NDUFAB1: variants seen among roughly 807,000 people sequenced by gnomAD.
NDUFAB1 encodes acyl carrier protein, mitochondrial.
Under a neutral mutation model 16.1 loss-of-function variants are expected in NDUFAB1, and 5 were observed. The ratio of observed to expected loss-of-function variants is 0.31; its 90% CI spans 0.16 to 0.65. NDUFAB1 has a LOEUF of 0.65. NDUFAB1 is among the 30% of genes least tolerant of loss of function. NDUFAB1 has a pLI of 0.77. For missense variants in NDUFAB1, 187 were observed against 205.3 expected (o/e 0.91, Z 0.54); for synonymous variants, 85 against 78.4 (o/e 1.08, Z -0.44).
At chr16:23,596,071 C>T (rs2142241240) in intron 1 of NDUFAB1, 52 bp downstream of exon 1, 2 of 1,560,952 alleles carry the variant, frequency 1.3e-6, no homozygotes, top group Non-Finnish European at 1.7e-6. Flanking sequence ...CCACCCCCAC[C>T]GGGCCCAATC....
chr16:23,588,211 T>C (rs1161422887), intron 1 of NDUFAB1, among the ~76,000 whole-genome samples: 1 of 152,158 alleles, frequency 6.6e-6, no homozygotes, highest in Admixed American at 6.5e-5. Flanking sequence ...TCACAACACT[T>C]TGGGAGGCCA....
intron 1 of NDUFAB1, among the ~76,000 whole-genome samples, chr16:23,594,991 G>A (rs940338173): frequency 6.0e-5 from 9 of 150,792 alleles, no homozygotes; most frequent in Admixed American, 6.6e-5. Context: ...GGTGGTTCAC[G>A]CCTGTAATCC....
At chr16:23,585,547 A>G (rs934734962) in intron 2 of NDUFAB1, 124 bp from the exon 3 acceptor site, 2 of 684,176 alleles carry the variant, frequency 2.9e-6, no homozygotes, top group African/African-American at 3.6e-5. Flanking sequence ...GTTTTAGGGT[A>G]CATGTGCACA....
intron 3 of NDUFAB1, among the ~76,000 whole-genome samples, chr16:23,583,236 C>T (rs1199821959): frequency 2.0e-5 from 3 of 152,230 alleles, no homozygotes; most frequent in Admixed American, 1.3e-4. Flanking sequence ...GCCTGGCCGC[C>T]CATCGTCTGG....
chr16:23,590,987 T>G (rs1280366628), intron 1 of NDUFAB1: 1 of 152,074 alleles, frequency 6.6e-6, no homozygotes, highest in East Asian at 1.9e-4. Flanking sequence ...TTTACACACA[T>G]CATCTTTCTT....
chr16:23,585,394 G>T lies in NDUFAB1; in HGVS notation c.321C>A (p.Asp107Glu). ...CTTGGTCCAAACTGTCTAAGCCCAG[G>T]TCTTTCATAAAATGAGAATTTACTG... is the stretch of plus-strand genomic sequence containing the variant. ...KLSVNSHFMK[D>E]LGLDSLDQVE... The change falls in exon 3 of 5, where the codon GAC becomes GAA. Residue 107 changes from aspartate to glutamate, a missense_variant. By Grantham distance (45) the Asp-to-Glu change is conservative (BLOSUM62 2). Transcript: ENST00000007516. 1 of 1,613,850 alleles carries T rather than the reference G, an allele frequency of 6.2e-7. No homozygotes were observed. Among genetic ancestry groups the T allele is most frequent in the Non-Finnish European group, 8.5e-7 (1 of 1,179,830 alleles).
chr16:23,595,685 G>A, intron 1 of NDUFAB1: 3 of 461,322 alleles, frequency 6.5e-6, no homozygotes, highest in South Asian at 4.7e-5. Flanking sequence ...AACCGCTCTG[G>A]AGAAGGCTGT....
At chr16:23,590,638 C>CTATTTCTTTTTTTTT (rs574003194) in intron 1 of NDUFAB1, among the ~76,000 whole-genome samples, 1,451 of 131,736 alleles carry the variant, frequency 0.011, 13 homozygotes, top group South Asian at 0.016. Context: ...CCTCTGGTCT[C>CTATTTCTTTTTTTTT]TTTTTTTTTT....
chr16:23,581,283 T>C (rs1966177265), intron 4 of NDUFAB1, 110 bp from the exon 5 acceptor site: 1 of 152,228 alleles, frequency 6.6e-6, no homozygotes, highest in Admixed American at 6.5e-5. Flanking sequence ...CAGTGGCTCA[T>C]GCCCGTAATC....
At chr16:23,594,074 G>T (rs573300588) in intron 1 of NDUFAB1, among the ~76,000 whole-genome samples, 203 of 151,824 alleles carry the variant, frequency 1.3e-3, no homozygotes, top group Non-Finnish European at 2.5e-3. Flanking sequence ...GTAGAGACGG[G>T]GTTTCACCGT....
At position 23,582,257 on chromosome 16, in the gene NDUFAB1, AT is replaced by A. The variant is rs1450215122; in HGVS notation, c.*8+18del. On this transcript the variant is annotated intron_variant, in intron 4 of 4. Coordinates refer to ENST00000007516, the MANE Select transcript of NDUFAB1 (RefSeq NM_005003.3). ...ACAGACAAATCTATGGGTGAACATC[AT>A]TTTTTAAGTCTATTTACCTGATACT... The A allele has an allele frequency of 1.4e-6, 2 of 1,453,204 alleles. No homozygotes were observed. The highest frequency in any genetic ancestry group is 1.5e-5 in the South Asian group (1 of 68,858). 90.0% of individuals were successfully genotyped at this position (1,453,204 alleles called of 1,614,324 possible). A position where few individuals can be genotyped will look rare whatever the true frequency, so the allele number is the denominator to read the frequency against.
rs147328057 is a variant in NDUFAB1, at chr16:23,582,396, A to C, written c.380-21T>G. 15,335 of 1,534,528 alleles carry C rather than the reference A, an allele frequency of 1.0e-2. 111 individuals are homozygous for C. Among genetic ancestry groups the C allele is most frequent in the Middle Eastern group, 0.021 (119 of 5,794 alleles). On this transcript the variant is annotated intron_variant, in intron 3 of 4. Coordinates refer to ENST00000007516, the MANE Select transcript of NDUFAB1 (RefSeq NM_005003.3). ...AAACCCTAAAAGAAAAATATACAACAATGTGAGAGAGTTAAAAAAAAAAAA... is the reference window on the plus strand; with the variant it reads ...AAACCCTAAAAGAAAAATATACAACCATGTGAGAGAGTTAAAAAAAAAAAA...
chr16:23,595,492 G>C, intron 1 of NDUFAB1: 1 of 441,334 alleles, frequency 2.3e-6, no homozygotes, highest in Non-Finnish European at 4.6e-6. Context: ...TACGCGGGGC[G>C]GCACATCCCG....
chr16:23,595,242 C>A (rs547998350), intron 1 of NDUFAB1, among the ~76,000 whole-genome samples: 1 of 152,274 alleles, frequency 6.6e-6, no homozygotes, highest in African/African-American at 2.4e-5. Flanking sequence ...GCATTACAGC[C>A]TGGGTGACAG....
At chr16:23,584,652 C>G (rs1966218446) in intron 3 of NDUFAB1, among the ~76,000 whole-genome samples, 1 of 152,130 alleles carries the variant, frequency 6.6e-6, no homozygotes, top group Non-Finnish European at 1.5e-5. Flanking sequence ...TTGAGAGATA[C>G]AGTTACTTGT....
Position 23,587,182 on chromosome 16 carries a change from A to G in NDUFAB1, c.291+15T>C. 1.2e-6 allele frequency: 2 copies of G among 1,605,200 alleles called. No individual in the cohort carries two copies. Among genetic ancestry groups the G allele is most frequent in the South Asian group, 2.2e-5 (2 of 89,424 alleles). On this transcript the variant is annotated intron_variant, in intron 2 of 4. Coordinates refer to ENST00000007516, the MANE Select transcript of NDUFAB1 (RefSeq NM_005003.3). Reference sequence around the variant, plus strand: ...TCTATATTTAAAGAAAAAAATTCAAACCACCATCAGTTACCTTCTCTGGGT... The same window carrying G: ...TCTATATTTAAAGAAAAAAATTCAAGCCACCATCAGTTACCTTCTCTGGGT...
chr16:23,589,440 G>A (rs1355404758), intron 1 of NDUFAB1, among the ~76,000 whole-genome samples: 3 of 151,994 alleles, frequency 2.0e-5, no homozygotes, highest in Admixed American at 6.6e-5. Context: ...GTCTCCTTTC[G>A]TATTATACAT....
chr16:23,592,615 G>A (rs1966290113), intron 1 of NDUFAB1, among the ~76,000 whole-genome samples: 1 of 152,198 alleles, frequency 6.6e-6, no homozygotes, highest in South Asian at 2.1e-4. Flanking sequence ...TGCTCCATCT[G>A]CTAGACAGTG....
chr16:23,593,307 AAACC>A (rs1248609907), intron 1 of NDUFAB1, among the ~76,000 whole-genome samples: 1 of 152,338 alleles, frequency 6.6e-6, no homozygotes, highest in East Asian at 1.9e-4. Context: ...GTAGGAGGAC[AAACC>A]AACCAAGGGA....
Sources: allele counts gnomAD v4.1 joint callset (sites outside exome capture counted in the v4.1 genomes callset), GRCh38; gene constraint gnomAD v4.1.1; transcripts MANE v1.5; gene names NCBI Gene and HGNC (gene_info 2026-07-23, HGNC 2026-07-21).